The following CNBD1 variants were observed in gnomAD, a reference collection of about 807,000 sequenced individuals.
CNBD1 encodes the protein cyclic nucleotide-binding domain-containing protein 1.
CNBD1 carries 71 observed loss-of-function variants against 54.4 expected under a neutral mutation model. That is an observed-to-expected ratio of 1.30 (90% CI 1.08 to 1.59). CNBD1 has a LOEUF of 1.59. CNBD1 is among the 40% of genes most tolerant of loss of function. The pLI, the probability that CNBD1 is intolerant of heterozygous loss-of-function variation, is 0.00. For missense variants in CNBD1, 659 were observed against 518.0 expected (o/e 1.27, Z -2.64); for synonymous variants, 182 against 170.7 (o/e 1.07, Z -0.51).
chr8:86,938,869 C>G (rs1353219455), intron 3 of CNBD1, among the ~76,000 whole-genome samples: 9 of 152,140 alleles, frequency 5.9e-5, no homozygotes, highest in Non-Finnish European at 1.5e-5. Flanking sequence ...TTTAGTATTG[C>G]TGTTATGATT....
intron 3 of CNBD1, among the ~76,000 whole-genome samples, chr8:86,906,791 G>C (rs1809024824): frequency 6.6e-6 from 1 of 152,204 alleles, no homozygotes; most frequent in Non-Finnish European, 1.5e-5. Flanking sequence ...GAGGCACCCA[G>C]TGGCTGTCAA....
chr8:87,376,355 G>T (rs565769973), intron 10 of CNBD1, among the ~76,000 whole-genome samples: 1 of 151,750 alleles, frequency 6.6e-6, no homozygotes, highest in Non-Finnish European at 1.5e-5. Context: ...CTCTGACAAG[G>T]GTACTAATTC....
downstream of CNBD1, among the ~76,000 whole-genome samples, chr8:87,383,819 C>G (rs112500806): frequency 0.019 from 2,871 of 152,190 alleles, 90 homozygotes; most frequent in African/African-American, 0.062. Flanking sequence ...TAAATGACTT[C>G]TCCAGCACCA....
intron 2 of CNBD1, among the ~76,000 whole-genome samples, chr8:86,888,096 A>T (rs536549250): frequency 1.3e-5 from 2 of 152,156 alleles, no homozygotes; most frequent in Non-Finnish European, 2.9e-5. Context: ...TTTTGGAATT[A>T]TAAAACTGGT....
chr8:87,006,391 A>G (rs1809098801), intron 4 of CNBD1, among the ~76,000 whole-genome samples: 2 of 152,108 alleles, frequency 1.3e-5, no homozygotes, highest in Non-Finnish European at 2.9e-5. Flanking sequence ...GTATTAGGCC[A>G]TTTTTGCATT....
Position 87,083,591 on chromosome 8 carries a change from T to C in CNBD1, c.432-122402T>C, listed in dbSNP as rs565823133. On this transcript the variant is annotated intron_variant, in intron 4 of 10. Coordinates refer to ENST00000518476, the MANE Select transcript of CNBD1 (RefSeq NM_173538.3). ...GGACCAAACCAATGTATTTCTTTTT[T>C]TTTTTTTTTTTTTTTGAGACGGAGT... 2.2e-3 allele frequency among the ~76,000 whole-genome samples: 323 copies of C among 147,310 alleles called. 5 individuals are homozygous for C. The highest frequency in any genetic ancestry group is 7.5e-3 in the African/African-American group (298 of 39,830).
chr8:87,081,765 CA>C (rs1810998929), intron 4 of CNBD1, among the ~76,000 whole-genome samples: 2 of 152,030 alleles, frequency 1.3e-5, no homozygotes, highest in African/African-American at 4.8e-5. Flanking sequence ...CTCGGCCTCC[CA>C]AAGTGCTGGG....
intron 4 of CNBD1, among the ~76,000 whole-genome samples, chr8:87,077,667 G>C (rs190376375): frequency 6.7e-6 from 1 of 150,308 alleles, no homozygotes; most frequent in South Asian, 2.1e-4. Flanking sequence ...AACATGTGGC[G>C]TTTGGTTTTC....
chr8:87,305,980 G>T (rs1809133210), intron 8 of CNBD1, among the ~76,000 whole-genome samples: 1 of 152,100 alleles, frequency 6.6e-6, no homozygotes, highest in Non-Finnish European at 1.5e-5. Context: ...CCCACAGAGT[G>T]GGAGAAAATC....
At chr8:87,275,683 C>T (rs1170382332) in intron 6 of CNBD1, among the ~76,000 whole-genome samples, 1 of 151,696 alleles carries the variant, frequency 6.6e-6, no homozygotes, top group Non-Finnish European at 1.5e-5. Context: ...TGCCCTCTCT[C>T]ACCACTCCTA....
intron 4 of CNBD1, among the ~76,000 whole-genome samples, chr8:86,950,978 G>A (rs1030020699): frequency 6.6e-6 from 1 of 152,024 alleles, no homozygotes; most frequent in African/African-American, 2.4e-5. Flanking sequence ...GGATCATAGT[G>A]ACTACTAATG....
chr8:87,177,841 T>A (rs980566423), intron 4 of CNBD1, among the ~76,000 whole-genome samples: 6 of 152,220 alleles, frequency 3.9e-5, no homozygotes, highest in Non-Finnish European at 8.8e-5. Context: ...ATAATCATAG[T>A]TTTCTAACAT....
chr8:87,240,320 T>C (rs114457744), intron 6 of CNBD1, among the ~76,000 whole-genome samples: 8,609 of 152,170 alleles, frequency 0.057, 795 homozygotes, highest in African/African-American at 0.18. Context: ...CATTTGGAAT[T>C]ATGTGGAAAA....
intron 2 of CNBD1, among the ~76,000 whole-genome samples, chr8:87,414,375 G>A (rs1178081677): frequency 2.6e-5 from 4 of 152,064 alleles, no homozygotes; most frequent in Non-Finnish European, 5.9e-5. Flanking sequence ...ACTGTTGTGG[G>A]GTGGGGAGAG....
intron 2 of CNBD1, among the ~76,000 whole-genome samples, chr8:87,398,766 T>C (rs1214598449): frequency 6.6e-6 from 1 of 152,002 alleles, no homozygotes; most frequent in Non-Finnish European, 1.5e-5. Flanking sequence ...GAAGTAAACA[T>C]ATTTTGCCTT....
At position 87,335,611 on chromosome 8, in the gene CNBD1, A is replaced by G. The variant is rs187985005; in HGVS notation, c.1043-16074A>G. On this transcript the variant is annotated intron_variant, in intron 8 of 10. Transcript: ENST00000518476. ...GCCTACGTGTGTCTTTGCACGTAAG[A>G]GGGGTCTCTTGAATATAGCACACCA... Among the ~76,000 whole-genome samples, 4 of 152,162 alleles carry G rather than the reference A, an allele frequency of 2.6e-5. No homozygotes were observed. The East Asian group carries it at 7.7e-4, about 29-fold the overall frequency.
At chr8:87,334,815 C>G (rs1007949438) in intron 8 of CNBD1, among the ~76,000 whole-genome samples, 1 of 151,550 alleles carries the variant, frequency 6.6e-6, no homozygotes, top group Non-Finnish European at 1.5e-5. Flanking sequence ...TCTCCACCTC[C>G]TGGATTCAAG....
intron 8 of CNBD1, among the ~76,000 whole-genome samples, chr8:87,308,955 T>C (rs1238628401): frequency 6.6e-6 from 1 of 152,168 alleles, no homozygotes; most frequent in Admixed American, 6.6e-5. Context: ...TATTCTATTA[T>C]GTATGCATGC....
At chr8:86,967,428 C>T (rs59787951) in intron 4 of CNBD1, among the ~76,000 whole-genome samples, 2,902 of 152,310 alleles carry the variant, frequency 0.019, 94 homozygotes, top group African/African-American at 0.059. Context: ...GGGTGCAACC[C>T]GGGAGCTCTG....
Sources: gnomAD v4.1 joint callset for allele counts (sites outside exome capture counted in the v4.1 genomes callset) on GRCh38, gnomAD v4.1.1 for gene constraint, MANE v1.5 for transcripts, NCBI Gene and HGNC (gene_info 2026-07-23, HGNC 2026-07-21) for gene names.